The following MTHFD1L variants were observed in gnomAD, a reference collection of about 807,000 sequenced individuals.
MTHFD1L encodes the protein monofunctional C1-tetrahydrofolate synthase, mitochondrial.
MTHFD1L carries 81 observed loss-of-function variants against 119.5 expected under a neutral mutation model. The ratio of observed to expected loss-of-function variants is 0.68; its 90% CI spans 0.57 to 0.82. The LOEUF is 0.82. MTHFD1L is among the 40% of genes least tolerant of loss of function. MTHFD1L has a pLI of 0.00. For missense variants in MTHFD1L, 1,125 were observed against 1,253.4 expected, an observed-to-expected ratio of 0.90 and a Z score of 1.55; for synonymous variants, 430 against 475.2, an observed-to-expected ratio of 0.90 and a Z score of 1.24.
chr6:151,045,949 A>T (rs1307063336), intron 26 of MTHFD1L, among the ~76,000 whole-genome samples: 2 of 152,188 alleles, frequency 1.3e-5, no homozygotes, highest in Non-Finnish European at 2.9e-5. Flanking sequence ...TTCAGGAGGA[A>T]GGAAAGTAAC....
intron 8 of MTHFD1L, among the ~76,000 whole-genome samples, chr6:150,914,024 G>GGAGGCA (rs1406571693): frequency 3.3e-5 from 5 of 152,338 alleles, no homozygotes; most frequent in Admixed American, 6.5e-5. Context: ...CAGCTACATG[G>GGAGGCA]GAGGCAGAGG....
At chr6:151,010,777 A>C (rs1408763570) in intron 21 of MTHFD1L, among the ~76,000 whole-genome samples, 2 of 146,504 alleles carry the variant, frequency 1.4e-5, no homozygotes, top group African/African-American at 5.2e-5. Flanking sequence ...AATAAAATAA[A>C]ATTTCTCTAT....
At chr6:150,911,489 G>A (rs1161812831) in intron 8 of MTHFD1L, among the ~76,000 whole-genome samples, 1 of 152,122 alleles carries the variant, frequency 6.6e-6, no homozygotes, top group Non-Finnish European at 1.5e-5. Flanking sequence ...ATAAAGAAAA[G>A]AAGTTTAATT....
chr6:150,936,324 C>T (rs933243591), intron 11 of MTHFD1L, among the ~76,000 whole-genome samples: 3 of 152,168 alleles, frequency 2.0e-5, no homozygotes, highest in African/African-American at 7.2e-5. Context: ...AGGAGAAGGA[C>T]AAGTGGGGAC....
intron 11 of MTHFD1L, among the ~76,000 whole-genome samples, chr6:150,932,810 G>A (rs1262885545): frequency 1.1e-3 from 146 of 131,494 alleles, no homozygotes; most frequent in Non-Finnish European, 2.1e-3. Context: ...GAGGAAGAGA[G>A]GGAGGGAGGA....
intron 7 of MTHFD1L, among the ~76,000 whole-genome samples, chr6:150,888,741 G>A (rs1295490839): frequency 6.6e-6 from 1 of 152,176 alleles, no homozygotes; most frequent in Admixed American, 6.5e-5. Context: ...GACATTCCCA[G>A]CCACACAGTG....
chr6:150,961,484 C>G (rs928317059), intron 18 of MTHFD1L, among the ~76,000 whole-genome samples: 1 of 152,194 alleles, frequency 6.6e-6, no homozygotes, highest in African/African-American at 2.4e-5. Flanking sequence ...ACACAGGCCT[C>G]TAAGATAGCC....
At chr6:150,991,658 A>T (rs1210851759) in intron 20 of MTHFD1L, among the ~76,000 whole-genome samples, 8 of 152,228 alleles carry the variant, frequency 5.3e-5, no homozygotes. Context: ...AACGACAGGC[A>T]TGTGACTGTA....
chr6:151,082,878 C>T (rs143964109), intron 26 of MTHFD1L, among the ~76,000 whole-genome samples: 4 of 152,296 alleles, frequency 2.6e-5, no homozygotes, highest in Admixed American at 6.5e-5. Context: ...AGATGCAATT[C>T]GTATAGGGTA....
chr6:150,900,940 A>G (rs1300715715), intron 7 of MTHFD1L, among the ~76,000 whole-genome samples: 1 of 151,904 alleles, frequency 6.6e-6, no homozygotes, highest in Non-Finnish European at 1.5e-5. Flanking sequence ...GCATGAACCC[A>G]GGAGGCGGAG....
intron 8 of MTHFD1L, among the ~76,000 whole-genome samples, chr6:150,915,681 G>A (rs1671642329): frequency 2.0e-5 from 3 of 152,042 alleles, no homozygotes; most frequent in African/African-American, 7.2e-5. Flanking sequence ...GCTCACTGCA[G>A]CCTCTGGGTC....
chr6:151,077,911 C>T (rs989210568), intron 26 of MTHFD1L, among the ~76,000 whole-genome samples: 5 of 150,394 alleles, frequency 3.3e-5, no homozygotes, highest in African/African-American at 7.4e-5. Flanking sequence ...ATTAGCCGGG[C>T]GTGGTGGCAG....
At chr6:151,032,919 C>G (rs1393041561) in intron 24 of MTHFD1L, among the ~76,000 whole-genome samples, 1 of 151,930 alleles carries the variant, frequency 6.6e-6, no homozygotes, top group African/African-American at 2.4e-5. Flanking sequence ...GGGAAGAGTG[C>G]TAGCTTTTAT....
At chr6:150,965,690 A>G (rs1159851533) in intron 19 of MTHFD1L, among the ~76,000 whole-genome samples, 2 of 135,414 alleles carry the variant, frequency 1.5e-5, no homozygotes, top group Non-Finnish European at 3.3e-5. Context: ...GTCAATGTCT[A>G]ACATTTCAAT....
chr6:150,961,182 C>T (rs1483308131), intron 18 of MTHFD1L, among the ~76,000 whole-genome samples: 1 of 151,660 alleles, frequency 6.6e-6, no homozygotes, highest in Non-Finnish European at 1.5e-5. Context: ...CAGCCCCTGC[C>T]TCCCGGATTC....
At chr6:150,994,985 C>T (rs1418336751) in intron 20 of MTHFD1L, among the ~76,000 whole-genome samples, 2 of 152,060 alleles carry the variant, frequency 1.3e-5, no homozygotes, top group African/African-American at 2.4e-5. Flanking sequence ...GTATAATAAA[C>T]ATAATAATTA....
Position 150,926,036 on chromosome 6 carries a change from G to T in MTHFD1L, c.1083-86G>T. On this transcript the variant is annotated intron_variant, in intron 10 of 27. Coordinates refer to ENST00000367321, the MANE Select transcript of MTHFD1L (RefSeq NM_015440.5). The surrounding 1 kb of genome is among the most constrained non-coding windows in gnomAD (Gnocchi z 4.3). Reference sequence around the variant, plus strand: ...AAGTAATTGCATTGATTTCATCGTTGGCGTGATGTGTGGCTGTTTTCACTC... The same window carrying T: ...AAGTAATTGCATTGATTTCATCGTTTGCGTGATGTGTGGCTGTTTTCACTC... 4.3e-6 allele frequency: 5 copies of T among 1,159,614 alleles called. No homozygotes were observed. The highest frequency in any genetic ancestry group is 6.1e-6 in the Non-Finnish European group (5 of 819,556). 71.8% of individuals were successfully genotyped at this position (1,159,614 alleles called of 1,614,324 possible). A position where few individuals can be genotyped will look rare whatever the true frequency, so the allele number is the denominator to read the frequency against.
intron 24 of MTHFD1L, among the ~76,000 whole-genome samples, chr6:151,028,545 C>T (rs1414535631): frequency 6.6e-6 from 1 of 152,120 alleles, no homozygotes; most frequent in Non-Finnish European, 1.5e-5. Context: ...AAATGAAATA[C>T]ACCAGACACG....
At chr6:150,986,405 T>C (rs937800983) in intron 20 of MTHFD1L, among the ~76,000 whole-genome samples, 19 of 152,232 alleles carry the variant, frequency 1.2e-4, no homozygotes, top group Non-Finnish European at 2.1e-4. Context: ...TACATCTGTA[T>C]GTATGTGCTG....
Sources: gnomAD v4.1 joint callset for allele counts (sites outside exome capture counted in the v4.1 genomes callset) on GRCh38, gnomAD v4.1.1 for gene constraint, Gnocchi (gnomAD v3.1) non-coding constraint, MANE v1.5 for transcripts, NCBI Gene and HGNC (gene_info 2026-07-23, HGNC 2026-07-21) for gene names.